Variants in RSU1 observed in about 807,000 individuals in gnomAD.
RSU1 encodes the protein Ras suppressor protein 1.
In RSU1, 26 loss-of-function variants were observed where a neutral mutation model predicts 31.1. The ratio of observed to expected loss-of-function variants is 0.84; its 90% CI spans 0.61 to 1.16. The LOEUF is 1.16. RSU1 is among the 50% of genes most tolerant of loss of function. The pLI, the probability that RSU1 is intolerant of heterozygous loss-of-function variation, is 0.00. For missense variants in RSU1, 320 were observed against 339.1 expected, an observed-to-expected ratio of 0.94 and a Z score of 0.44; for synonymous variants, 164 against 136.3, an observed-to-expected ratio of 1.20 and a Z score of -1.41.
chr10:16,663,486 G>T (rs188338787), intron 8 of RSU1, among the ~76,000 whole-genome samples: 1 of 152,200 alleles, frequency 6.6e-6, no homozygotes, highest in Non-Finnish European at 1.5e-5. Flanking sequence ...CTTGATAATG[G>T]GTTAAAAATA....
chr10:16,594,836 G>C (rs997050853), intron 8 of RSU1, among the ~76,000 whole-genome samples: 2 of 147,324 alleles, frequency 1.4e-5, no homozygotes, highest in African/African-American at 5.0e-5. Flanking sequence ...CCAGGCTGGA[G>C]TGCAGTGGTG....
chr10:16,653,980 C>CA (rs1223135673), intron 8 of RSU1, among the ~76,000 whole-genome samples: 7 of 152,002 alleles, frequency 4.6e-5, no homozygotes, highest in Admixed American at 4.6e-4. Flanking sequence ...TAAGTGCCTA[C>CA]AGTAAGAGGG....
chr10:16,687,453 A>G (rs1363260790), intron 8 of RSU1, among the ~76,000 whole-genome samples: 1 of 152,242 alleles, frequency 6.6e-6, no homozygotes, highest in African/African-American at 2.4e-5. Flanking sequence ...AAATGCAAAA[A>G]AGGGAAAAAT....
chr10:16,644,107 G>C (rs1588690741), intron 8 of RSU1, among the ~76,000 whole-genome samples: 2 of 151,268 alleles, frequency 1.3e-5, no homozygotes, highest in South Asian at 4.2e-4. Flanking sequence ...GAGGGTGGTG[G>C]GGGGGGGTCC....
chr10:16,658,580 C>G (rs562327339), intron 8 of RSU1, among the ~76,000 whole-genome samples: 1 of 151,848 alleles, frequency 6.6e-6, no homozygotes, highest in Admixed American at 6.6e-5. Context: ...AAAAATTAAC[C>G]GAGCGTGGTG....
chr10:16,805,228 C>G (rs1388762034), intron 2 of RSU1, among the ~76,000 whole-genome samples: 1 of 151,040 alleles, frequency 6.6e-6, no homozygotes, highest in African/African-American at 2.4e-5. Context: ...ATAATAATAA[C>G]GCATCAATAT....
intron 8 of RSU1, among the ~76,000 whole-genome samples, chr10:16,664,749 C>G (rs1348576008): frequency 6.6e-6 from 1 of 152,116 alleles, no homozygotes; most frequent in Non-Finnish European, 1.5e-5. Context: ...CTTTTCTTTC[C>G]TAACATCATC....
intron 8 of RSU1, among the ~76,000 whole-genome samples, chr10:16,661,484 T>C (rs1440050494): frequency 6.6e-6 from 1 of 152,196 alleles, no homozygotes; most frequent in Non-Finnish European, 1.5e-5. Flanking sequence ...TAAATGTAGT[T>C]TCCATGACCT....
chr10:16,807,233 G>T (rs1170890081), intron 2 of RSU1, among the ~76,000 whole-genome samples: 1 of 152,224 alleles, frequency 6.6e-6, no homozygotes, highest in African/African-American at 2.4e-5. Flanking sequence ...TTGTTCTGAT[G>T]TGTGCCTTTC....
rs1306956965 is a variant in RSU1, at chr10:16,591,795, C to G, written c.*1599G>C. On this transcript the variant is annotated 3_prime_UTR_variant, in exon 9 of 9. Transcript: ENST00000345264. ...TTTTAGGTTAAGTCTTTCCTATCCA[C>G]AACAGCAAAGGCCTTGTTCTCCCTC... 3 of 152,144 alleles carry G rather than the reference C, an allele frequency of 2.0e-5. No individual in the cohort carries two copies. Among genetic ancestry groups the G allele is most frequent in the Admixed American group, 2.0e-4 (3 of 15,266 alleles). The allele number at this position is 152,144 out of a possible 1,614,324, so 9.4% of individuals were successfully genotyped here.
intron 8 of RSU1, among the ~76,000 whole-genome samples, chr10:16,674,511 C>A (rs985816388): frequency 1.3e-5 from 2 of 151,684 alleles, no homozygotes; most frequent in African/African-American, 4.9e-5. Flanking sequence ...CCACTAGGTG[C>A]CAGGCAATGT....
At chr10:16,683,682 T>C in intron 8 of RSU1, among the ~76,000 whole-genome samples, 1 of 152,212 alleles carries the variant, frequency 6.6e-6, no homozygotes, top group East Asian at 1.9e-4. Flanking sequence ...TAAATATGAG[T>C]GACCACGGTC....
chr10:16,746,449 G>T (rs1836857149), intron 7 of RSU1, among the ~76,000 whole-genome samples: 1 of 152,064 alleles, frequency 6.6e-6, no homozygotes, highest in Non-Finnish European at 1.5e-5. Flanking sequence ...CGGGACAAGA[G>T]GTCCCATTAC....
intron 8 of RSU1, among the ~76,000 whole-genome samples, chr10:16,632,784 CA>C (rs200765928): frequency 2.0e-5 from 3 of 150,726 alleles, no homozygotes; most frequent in Non-Finnish European, 4.4e-5. Flanking sequence ...ACCAAGAATA[CA>C]AAAAAAAATA....
chr10:16,745,423 G>A (rs1452831410), intron 7 of RSU1, among the ~76,000 whole-genome samples: 2 of 152,078 alleles, frequency 1.3e-5, no homozygotes, highest in Non-Finnish European at 2.9e-5. Flanking sequence ...ACCCGAGACT[G>A]GGCAATTTAC....
In RSU1 at chr10:16,783,309, G is replaced by A. The variant is rs1837697049; in HGVS notation, c.110-1225C>T. On this transcript the variant is annotated intron_variant, in intron 2 of 8. Coordinates refer to ENST00000345264, the MANE Select transcript of RSU1 (RefSeq NM_012425.4). ...TTTCTCAGGAAGGGTCTCGATGTTG[G>A]GGCTCAGCACGCTTTGAAGAAAATA... 2.0e-5 allele frequency among the ~76,000 whole-genome samples: 3 copies of A among 151,396 alleles called. No homozygotes were observed. In the South Asian group the frequency reaches 6.2e-4, roughly 31 times the overall value.
At chr10:16,765,062 G>A (rs1304663797) in intron 3 of RSU1, among the ~76,000 whole-genome samples, 3 of 152,034 alleles carry the variant, frequency 2.0e-5, no homozygotes, top group Non-Finnish European at 4.4e-5. Flanking sequence ...TGAGTATTAT[G>A]AAGCATATAT....
intron 8 of RSU1, among the ~76,000 whole-genome samples, chr10:16,656,544 C>A (rs992368320): frequency 6.6e-6 from 1 of 152,136 alleles, no homozygotes. Flanking sequence ...AGGTGTCAAC[C>A]AGGGCCTGCA....
At chr10:16,695,749 G>T (rs1236172476) in intron 7 of RSU1, among the ~76,000 whole-genome samples, 1 of 152,112 alleles carries the variant, frequency 6.6e-6, no homozygotes, top group African/African-American at 2.4e-5. Context: ...AATCTGGAAG[G>T]TCAGATACTA....
Sources: allele counts gnomAD v4.1 joint callset (sites outside exome capture counted in the v4.1 genomes callset), GRCh38; gene constraint gnomAD v4.1.1; transcripts MANE v1.5; gene names NCBI Gene and HGNC (gene_info 2026-07-23, HGNC 2026-07-21).